The following PLEKHA6 variants were observed in gnomAD, a reference collection of about 807,000 sequenced individuals.
The protein encoded by PLEKHA6 is pleckstrin homology domain containing A6.
A neutral mutation model predicts 116.7 loss-of-function variants in PLEKHA6; 60 were observed. The observed-to-expected ratio is 0.51, with a 90% CI of 0.42 to 0.64. The LOEUF is 0.64. Ranked by LOEUF, PLEKHA6 falls within the 30% of genes least tolerant of loss-of-function variation. The probability of loss-of-function intolerance (pLI) is 0.00; values close to 1 mark genes in which losing one functional copy is unlikely to be tolerated. For synonymous variants in PLEKHA6, 489 were observed against 556.1 expected (o/e 0.88, Z 1.70); for missense variants, 1,338 against 1,422.7 (o/e 0.94, Z 0.96).
chr1:204,226,759 C>G (rs1310547975), intron 21 of PLEKHA6, among the ~76,000 whole-genome samples: 2 of 152,184 alleles, frequency 1.3e-5, no homozygotes, highest in African/African-American at 2.4e-5. Context: ...TTAAGGCTTA[C>G]TTAAATCCTC....
chr1:204,349,179 G>A (rs1461450569), intron 1 of PLEKHA6, among the ~76,000 whole-genome samples: 1 of 152,154 alleles, frequency 6.6e-6, no homozygotes, highest in Non-Finnish European at 1.5e-5. Context: ...CAATTTTAAG[G>A]GGGCCAGGAC....
chr1:204,285,650 T>C (rs1026237419), intron 1 of PLEKHA6, among the ~76,000 whole-genome samples: 1 of 152,182 alleles, frequency 6.6e-6, no homozygotes, highest in East Asian at 1.9e-4. Context: ...TAATTTGTTG[T>C]ATTTTTAGTA....
chr1:204,264,712 C>T (rs116600683), intron 6 of PLEKHA6, among the ~76,000 whole-genome samples: 2,047 of 152,278 alleles, frequency 0.013, 54 homozygotes, highest in African/African-American at 0.047. Context: ...CCCACCCAAC[C>T]CCCAAGAGAG....
chr1:204,228,100 C>T lies in PLEKHA6; in HGVS notation c.3014G>A (p.Arg1005Lys). 2 of 1,612,792 alleles carry T rather than the reference C, an allele frequency of 1.2e-6. No homozygotes were observed. Among genetic ancestry groups the T allele is most frequent in the Non-Finnish European group, 1.7e-6 (2 of 1,179,326 alleles). Residue 1005 changes from arginine (R) to lysine (K), a missense_variant, in exon 21 of 23, where the codon AGG (arginine) becomes AAG (lysine). Physicochemically the swap from Arg to Lys is conservative, Grantham distance 26. Transcript: ENST00000272203. The surrounding 1 kb of genome is among the most constrained non-coding windows in gnomAD (Gnocchi z 4.0). Reference sequence around the variant, plus strand: ...CCTCTCACCAGACAGCATGCGGCCCCTGCGGGAGGCCTCGGTCGCCAGGGC... The same window carrying T: ...CCTCTCACCAGACAGCATGCGGCCCTTGCGGGAGGCCTCGGTCGCCAGGGC... ...SCALATEASR[R>K]GRMLSVQCAT...
At chr1:204,274,157 C>G (rs1003913694) in intron 2 of PLEKHA6, among the ~76,000 whole-genome samples, 1 of 151,884 alleles carries the variant, frequency 6.6e-6, no homozygotes, top group Non-Finnish European at 1.5e-5. Flanking sequence ...GTCTTAAACT[C>G]CTGGACCCAA....
chr1:204,235,490 T>C (rs1661909313), intron 17 of PLEKHA6, among the ~76,000 whole-genome samples: 1 of 152,150 alleles, frequency 6.6e-6, no homozygotes, highest in East Asian at 1.9e-4. Context: ...GCTAAGACTG[T>C]CCTGAGTTAG....
chr1:204,244,809 A>G, intron 15 of PLEKHA6, 55 bp downstream of exon 15: 3 of 1,378,482 alleles, frequency 2.2e-6, no homozygotes, highest in Non-Finnish European at 2.9e-6. Context: ...TTTCAGACAA[A>G]CGAGGATCTG....
At position 204,240,307 on chromosome 1, in the gene PLEKHA6, G is replaced by A. The variant is rs183135274; in HGVS notation, c.2409+1068C>T. Reference sequence around the variant, plus strand: ...AATGAAGGTTTGGTCACTCCACCAGGAAAAACACCATGACCTGCTGAGGTG... The same window carrying A: ...AATGAAGGTTTGGTCACTCCACCAGAAAAAACACCATGACCTGCTGAGGTG... On this transcript the variant is annotated intron_variant, in intron 17 of 22. Coordinates refer to ENST00000272203, the MANE Select transcript of PLEKHA6 (RefSeq NM_014935.5). 5.8e-3 allele frequency among the ~76,000 whole-genome samples: 881 copies of A among 152,308 alleles called. 5 individuals carry two copies. The highest frequency in any genetic ancestry group is 9.3e-3 in the Non-Finnish European group (635 of 68,028).
At chr1:204,230,820 T>A (rs1390879218) in intron 17 of PLEKHA6, among the ~76,000 whole-genome samples, 1 of 152,088 alleles carries the variant, frequency 6.6e-6, no homozygotes. Flanking sequence ...TGTGTCCTCA[T>A]AAGAGACAGA....
intron 1 of PLEKHA6, among the ~76,000 whole-genome samples, chr1:204,323,743 T>C (rs186025252): frequency 2.4e-4 from 36 of 152,316 alleles, no homozygotes; most frequent in Middle Eastern, 6.8e-3. Flanking sequence ...ATTATAATAA[T>C]AGCTATCTAT....
Position 204,259,598 on chromosome 1 carries a change from G to C in PLEKHA6, c.667C>G (p.Pro223Ala). 6.2e-7 allele frequency: 1 copy of C among 1,614,090 alleles called. No individual in the cohort carries two copies. Among genetic ancestry groups the C allele is most frequent in the Non-Finnish European group, 8.5e-7 (1 of 1,180,040 alleles). Reference protein sequence around the residue: ...GRGCEKAERRPERPEVKKEPP... With the variant: ...GRGCEKAERRAERPEVKKEPP... The stretch of plus-strand genomic sequence containing the variant: ...TCTTTCTTGACTTCTGGCCTCTCAG[G>C]CCTTCTCTCTGCCTTCTCACAGCCT... The change falls in exon 8 of 23, where the codon CCT (proline) becomes GCT (alanine). Residue 223 changes from proline to alanine, a missense_variant. Pro to Ala is a conservative substitution (Grantham distance 27). This residue lies in a region of PLEKHA6 where 1,136 missense variants were observed against 1,163.6 expected (regional missense o/e 0.98). Coordinates refer to ENST00000272203, the MANE Select transcript of PLEKHA6 (RefSeq NM_014935.5). The surrounding 1 kb of genome is among the most constrained non-coding windows in gnomAD (Gnocchi z 4.6).
At position 204,228,351 on chromosome 1, in the gene PLEKHA6, C is replaced by A; in HGVS notation, c.2886-123G>T. On this transcript the variant is annotated intron_variant, in intron 20 of 22. Coordinates refer to ENST00000272203, the MANE Select transcript of PLEKHA6 (RefSeq NM_014935.5). The surrounding 1 kb of genome is among the most constrained non-coding windows in gnomAD (Gnocchi z 4.0). ...CCCCGTGAATGTGCAGTCTCTGGTTCCCAGCAAGGCTGTCCCTAGGAGTGA... is the reference window on the plus strand; with the variant it reads ...CCCCGTGAATGTGCAGTCTCTGGTTACCAGCAAGGCTGTCCCTAGGAGTGA... 1.0e-6 allele frequency: 1 copy of A among 956,460 alleles called. No individual in the cohort carries two copies. Among genetic ancestry groups the A allele is most frequent in the South Asian group, 1.6e-5 (1 of 61,810 alleles). The allele number at this position is 956,460 out of a possible 1,614,324, so 59.2% of individuals were successfully genotyped here.
rs970345344 is a variant in PLEKHA6, at chr1:204,249,194, C to T, written c.1664G>A (p.Arg555Gln). The part of the protein sequence containing the change: ...REQDRLVQQL[R>Q]AEKESLESAL... ...CCCCCAGCTTCTCACCTTCTCAGCT[C>T]GGAGCTGCTGCACCAGCCGGTCCTG... is the stretch of plus-strand genomic sequence containing the variant. The change falls in exon 11 of 23, where the codon CGA (arginine) becomes CAA (glutamine). Residue 555 changes from arginine (R) to glutamine (Q), a missense_variant. This residue lies in a region of PLEKHA6 where 1,136 missense variants were observed against 1,163.6 expected (regional missense o/e 0.98). Transcript: ENST00000272203. The T allele has an allele frequency of 6.8e-5, 109 of 1,612,300 alleles. No individual in the cohort carries two copies. The highest frequency in any genetic ancestry group is 4.9e-4 in the Middle Eastern group (3 of 6,078).
chr1:204,331,428 C>A (rs951477153), intron 1 of PLEKHA6, among the ~76,000 whole-genome samples: 1 of 152,120 alleles, frequency 6.6e-6, no homozygotes, highest in African/African-American at 2.4e-5. Flanking sequence ...ACAGCCAACC[C>A]CACCTTGGGC....
intron 1 of PLEKHA6, among the ~76,000 whole-genome samples, chr1:204,303,729 G>A (rs1348567205): frequency 2.0e-5 from 3 of 152,022 alleles, no homozygotes; most frequent in Non-Finnish European, 4.4e-5. Flanking sequence ...GGGGGTGGTG[G>A]TGAGACAAGA....
chr1:204,257,223 G>T lies in PLEKHA6; in HGVS notation c.1524+130C>A, dbSNP rs928317870. ...GGGGCTCCGCTGGGCAGCACTGCTG[G>T]TCCTGCAGACAAACGGCCCAGTGGC... On this transcript the variant is annotated intron_variant, in intron 9 of 22. Transcript: ENST00000272203. This position sits in a 1 kb window ranked among gnomAD's most constrained non-coding sequence, Gnocchi z 6.5. 3 of 867,190 alleles carry T rather than the reference G, an allele frequency of 3.5e-6. No individual in the cohort carries two copies. The highest frequency in any genetic ancestry group is 3.3e-5 in the African/African-American group (2 of 60,004). The allele number at this position is 867,190 out of a possible 1,614,324, so 53.7% of individuals were successfully genotyped here. A position where few individuals can be genotyped will look rare whatever the true frequency, so the allele number is the denominator to read the frequency against.
chr1:204,258,639 A>G (rs1196501633), intron 8 of PLEKHA6, among the ~76,000 whole-genome samples: 1 of 152,208 alleles, frequency 6.6e-6, no homozygotes, highest in Non-Finnish European at 1.5e-5. Context: ...CCAAATCCCC[A>G]GGGAAGGAGC....
intron 1 of PLEKHA6, chr1:204,299,650 CT>C: frequency 1.0e-6 from 1 of 985,100 alleles, no homozygotes; most frequent in Non-Finnish European, 1.2e-6. Context: ...CAACGTGGGT[CT>C]TCTACTGTCT....
At chr1:204,330,444 G>A (rs1026385116) in intron 1 of PLEKHA6, among the ~76,000 whole-genome samples, 12 of 152,240 alleles carry the variant, frequency 7.9e-5, no homozygotes, top group Admixed American at 7.8e-4. Flanking sequence ...GCACATTGGT[G>A]TTATTATAGC....
Sources: gnomAD v4.1 joint callset for allele counts (sites outside exome capture counted in the v4.1 genomes callset) on GRCh38, gnomAD v4.1.1 for gene constraint, gnomAD v4.1.1 regional missense constraint, Gnocchi (gnomAD v3.1) non-coding constraint, MANE v1.5 for transcripts, NCBI Gene and HGNC (gene_info 2026-07-23, HGNC 2026-07-21) for gene names.